ROBO2: variants seen among roughly 807,000 people sequenced by gnomAD.
The protein encoded by ROBO2 is roundabout guidance receptor 2, also known as roundabout homolog 2.
A neutral mutation model predicts 160.8 loss-of-function variants in ROBO2; 53 were observed. That is an observed-to-expected ratio of 0.33 (90% CI 0.26 to 0.41). The LOEUF is 0.41. Among genes scored for constraint, ROBO2 ranks in the 10% least tolerant of loss-of-function variants. ROBO2 has a pLI of 1.00. For missense variants in ROBO2, 1,577 were observed against 1,722.4 expected, an observed-to-expected ratio of 0.92 and a Z score of 1.49; for synonymous variants, 664 against 611.7, an observed-to-expected ratio of 1.09 and a Z score of -1.26.
chr3:76,123,978 T>C (rs1314093172), intron 2 of ROBO2, among the ~76,000 whole-genome samples: 1 of 152,140 alleles, frequency 6.6e-6, no homozygotes, highest in East Asian at 1.9e-4. Flanking sequence ...TATTCACTGT[T>C]GTACTTGTTA....
chr3:75,959,886 G>T (rs541119644), intron 2 of ROBO2, among the ~76,000 whole-genome samples: 1 of 151,866 alleles, frequency 6.6e-6, no homozygotes, highest in South Asian at 2.1e-4. Context: ...GGTCAATTAT[G>T]TGTATAGCAG....
rs186082218 is a variant in ROBO2, at chr3:77,031,282, A to C, written c.110-66732A>C. ...TAGCCGTTTTTGTTTGAGATCTTAG[A>C]ATAGTTTGTATTTGTAGAATATTCA... On this transcript the variant is annotated intron_variant, in intron 2 of 26. Transcript: ENST00000487694. 5.5e-3 allele frequency among the ~76,000 whole-genome samples: 840 copies of C among 152,004 alleles called. 5 individuals carry two copies. Among genetic ancestry groups the C allele is most frequent in the Non-Finnish European group, 8.7e-3 (593 of 67,960 alleles).
At chr3:76,418,934 C>A (rs1021306465) in intron 2 of ROBO2, among the ~76,000 whole-genome samples, 1 of 152,110 alleles carries the variant, frequency 6.6e-6, no homozygotes. Flanking sequence ...ACTGTTCATG[C>A]AGTACAATCT....
chr3:76,801,844 T>A (rs974873892), intron 2 of ROBO2, among the ~76,000 whole-genome samples: 3 of 152,210 alleles, frequency 2.0e-5, no homozygotes, highest in Admixed American at 2.0e-4. Flanking sequence ...GTGAGCAACA[T>A]GTGACTCCTT....
At chr3:77,406,907 G>T (rs570995920) in intron 2 of ROBO2, among the ~76,000 whole-genome samples, 7 of 152,070 alleles carry the variant, frequency 4.6e-5, no homozygotes, top group Non-Finnish European at 1.0e-4. Flanking sequence ...TAACACATTG[G>T]ACCTTGCATT....
intron 12 of ROBO2, among the ~76,000 whole-genome samples, chr3:77,566,527 C>T (rs1000467592): frequency 6.6e-6 from 1 of 151,986 alleles, no homozygotes; most frequent in Non-Finnish European, 1.5e-5. Flanking sequence ...ATCATTTATA[C>T]CTTTGTGCAT....
intron 1 of ROBO2, among the ~76,000 whole-genome samples, chr3:77,080,752 C>G (rs2068568889): frequency 6.6e-6 from 1 of 152,126 alleles, no homozygotes; most frequent in Non-Finnish European, 1.5e-5. Context: ...ATGCATACAA[C>G]TGCCTGTGGT....
chr3:77,316,664 C>G (rs2064024748), intron 2 of ROBO2: 4 of 663,988 alleles, frequency 6.0e-6, no homozygotes, highest in Non-Finnish European at 1.1e-5. Flanking sequence ...TACTTGCATC[C>G]CAGTCATACA....
chr3:76,698,209 A>G (rs2092972169), intron 2 of ROBO2, among the ~76,000 whole-genome samples: 1 of 152,146 alleles, frequency 6.6e-6, no homozygotes, highest in African/African-American at 2.4e-5. Context: ...CGCCAGTGAG[A>G]ATGGAGGCAG....
At chr3:76,457,404 G>A (rs573293348) in intron 2 of ROBO2, among the ~76,000 whole-genome samples, 7 of 152,304 alleles carry the variant, frequency 4.6e-5, no homozygotes, top group Non-Finnish European at 7.3e-5. Context: ...GTCTCACATC[G>A]AGGTTATGCT....
chr3:76,854,018 TTCTCTCTCTCTCTCTCTC>T (rs573633101), intron 2 of ROBO2, among the ~76,000 whole-genome samples: 301 of 117,258 alleles, frequency 2.6e-3, no homozygotes, highest in Middle Eastern at 5.4e-3. Flanking sequence ...AGCATAGACT[TTCTCTCTCTCTCTCTCTC>T]TCTCTCTCTC....
chr3:76,042,570 G>A (rs2067306035), intron 2 of ROBO2, among the ~76,000 whole-genome samples: 1 of 151,984 alleles, frequency 6.6e-6, no homozygotes, highest in Non-Finnish European at 1.5e-5. Flanking sequence ...CTCTCATATT[G>A]TTTTATATTG....
intron 2 of ROBO2, among the ~76,000 whole-genome samples, chr3:76,826,832 A>C (rs1270348392): frequency 1.3e-5 from 2 of 152,176 alleles, no homozygotes; most frequent in African/African-American, 4.8e-5. Context: ...AGCTTGTCAA[A>C]GTGTTTTCAA....
At chr3:77,361,625 T>C (rs927404934) in intron 2 of ROBO2, among the ~76,000 whole-genome samples, 1 of 152,036 alleles carries the variant, frequency 6.6e-6, no homozygotes, top group Admixed American at 6.6e-5. Context: ...TTTCCTCACA[T>C]AGTGGAAAGG....
intron 2 of ROBO2, among the ~76,000 whole-genome samples, chr3:76,818,776 G>A (rs1343761208): frequency 6.6e-6 from 1 of 151,910 alleles, no homozygotes; most frequent in African/African-American, 2.4e-5. Flanking sequence ...TAAGTTTTTG[G>A]GTTTATTTCT....
intron 2 of ROBO2, among the ~76,000 whole-genome samples, chr3:77,278,178 A>G (rs989629651): frequency 6.6e-6 from 1 of 152,208 alleles, no homozygotes; most frequent in Non-Finnish European, 1.5e-5. Context: ...GAATTAATAT[A>G]TATTCCATGA....
At position 77,550,711 on chromosome 3, in the gene ROBO2, T is replaced by C; in HGVS notation, c.1060-107T>C. 11 of 1,125,466 alleles carry C rather than the reference T, an allele frequency of 9.8e-6. No homozygotes were observed. The South Asian group carries it at 1.4e-4, about 15-fold the overall frequency. The allele number at this position is 1,125,466 out of a possible 1,614,324, so 69.7% of individuals were successfully genotyped here. On this transcript the variant is annotated intron_variant, in intron 7 of 25. Transcript: ENST00000461745. Reference sequence around the variant, plus strand: ...TTTCTGAACCATATATATTTTAATCTGTGTATTTTCTTTTTCCCACTGTAT... The same window carrying C: ...TTTCTGAACCATATATATTTTAATCCGTGTATTTTCTTTTTCCCACTGTAT...
chr3:77,057,325 C>T (rs1038809115), intron 1 of ROBO2, among the ~76,000 whole-genome samples: 9 of 151,816 alleles, frequency 5.9e-5, no homozygotes, highest in South Asian at 2.1e-4. Context: ...GTGAGGGGAG[C>T]GGGGAGAGAT....
Position 76,354,789 on chromosome 3 carries a change from G to A in ROBO2, c.109+417187G>A, listed in dbSNP as rs561360806. 4.6e-5 allele frequency among the ~76,000 whole-genome samples: 7 copies of A among 151,858 alleles called. No individual in the cohort carries two copies. In the South Asian group the frequency reaches 1.5e-3, roughly 32 times the overall value. ...GGAAAAACTGCTGGGTATAAGTAGAGGAAAAGAGAAGCCTCAGCACAGATG... is the reference window on the plus strand; with the variant it reads ...GGAAAAACTGCTGGGTATAAGTAGAAGAAAAGAGAAGCCTCAGCACAGATG... On this transcript the variant is annotated intron_variant, in intron 2 of 26. Transcript: ENST00000487694.
Sources: gnomAD v4.1 joint callset for allele counts (sites outside exome capture counted in the v4.1 genomes callset) on GRCh38, gnomAD v4.1.1 for gene constraint, MANE v1.5 for transcripts, NCBI Gene and HGNC (gene_info 2026-07-23, HGNC 2026-07-21) for gene names.